The following PCDH11X variants were observed in gnomAD, a reference collection of about 807,000 sequenced individuals.
PCDH11X encodes protocadherin 11 X-linked.
Under a neutral mutation model 53.3 loss-of-function variants are expected in PCDH11X, and 18 were observed. That is an observed-to-expected ratio of 0.34 (90% confidence interval 0.23 to 0.50). The LOEUF (loss-of-function observed/expected upper bound fraction) is 0.50, where lower values mean the gene tolerates loss of function less well. PCDH11X is among the 20% of genes least tolerant of loss of function. The pLI is 0.98. For missense variants in PCDH11X, 570 were observed against 1,032.4 expected, an observed-to-expected ratio of 0.55 and a Z score of 6.14; for synonymous variants, 279 against 393.3, an observed-to-expected ratio of 0.71 and a Z score of 3.44.
intron 6 of PCDH11X, among the ~76,000 whole-genome samples, chrX:91,934,152 A>G (rs760917691): frequency 8.5e-4 from 94 of 111,054 alleles, no homozygotes; most frequent in African/African-American, 3.0e-3. Context: ...TCCTTTAAAA[A>G]TGGGCTTTGT....
At chrX:91,850,321 G>A (rs1937934695) in intron 5 of PCDH11X, among the ~76,000 whole-genome samples, 1 of 109,554 alleles carries the variant, frequency 9.1e-6, no homozygotes, top group African/African-American at 3.3e-5. Context: ...GTTTATTTTG[G>A]CATTGCTACA....
chrX:92,461,954 A>C (rs1313894598), intron 9 of PCDH11X, among the ~76,000 whole-genome samples: 2 of 112,304 alleles, frequency 1.8e-5, no homozygotes, highest in Non-Finnish European at 3.8e-5. Context: ...TGTTTAAGTA[A>C]AAGTTGTTTC....
chrX:91,997,934 G>A (rs946342161), intron 6 of PCDH11X, among the ~76,000 whole-genome samples: 65 of 105,424 alleles, frequency 6.2e-4, no homozygotes, highest in African/African-American at 1.7e-3. Flanking sequence ...TTCTTTTCTC[G>A]TTTCTTTTTT....
chrX:92,025,042 T>TA (rs749079195), intron 6 of PCDH11X, among the ~76,000 whole-genome samples: 1 of 111,429 alleles, frequency 9.0e-6, no homozygotes, highest in East Asian at 2.8e-4. Flanking sequence ...TCTTAGGCAA[T>TA]ACCATTCAGG....
chrX:92,545,765 G>A (rs78122170), intron 10 of PCDH11X, among the ~76,000 whole-genome samples: 21,335 of 109,819 alleles, frequency 0.19, 2,193 homozygotes, highest in Non-Finnish European at 0.29. Context: ...GTTTTTATGA[G>A]TACACATTTA....
At chrX:92,579,399 G>C (rs1356796237) in intron 10 of PCDH11X, among the ~76,000 whole-genome samples, 1 of 107,353 alleles carries the variant, frequency 9.3e-6, no homozygotes. Flanking sequence ...TTTTAGGTTT[G>C]GTCTTTTTAC....
At chrX:92,355,396 C>T (rs1323016380) in intron 8 of PCDH11X, among the ~76,000 whole-genome samples, 4 of 40,850 alleles carry the variant, frequency 9.8e-5, no homozygotes, top group Non-Finnish European at 1.4e-4. Context: ...CCAGCCTGGG[C>T]GACAGGGCGA....
At chrX:91,977,125 A>T (rs2062057147) in intron 6 of PCDH11X, among the ~76,000 whole-genome samples, 1 of 112,006 alleles carries the variant, frequency 8.9e-6, no homozygotes, top group African/African-American at 3.2e-5. Flanking sequence ...GGTTGTAGAA[A>T]ATATATCTAT....
At chrX:92,080,917 G>T (rs1056505733) in intron 6 of PCDH11X, among the ~76,000 whole-genome samples, 20 of 111,083 alleles carry the variant, frequency 1.8e-4, no homozygotes, top group African/African-American at 6.5e-4. Context: ...CTCAGTCTCA[G>T]TTTCCTGTTC....
At chrX:92,331,319 CTCTTCT>C (rs1251404218) in intron 8 of PCDH11X, among the ~76,000 whole-genome samples, 1 of 28,834 alleles carries the variant, frequency 3.5e-5, no homozygotes, top group Non-Finnish European at 5.4e-5. Context: ...CTTCTTCTTC[CTCTTCT>C]TCTTCTTCCT....
rs202213747 is a variant in PCDH11X, at chrX:92,021,377, C to A, written c.3033+142104C>A. Among the ~76,000 whole-genome samples the A allele has an allele frequency of 5.4e-4, 56 of 104,031 alleles. 2 individuals are homozygous for A. The East Asian group carries it at 0.016, about 30-fold the overall frequency. The allele number at this position is 104,031 out of a possible 115,157, so 90.3% of individuals were successfully genotyped here. On this transcript the variant is annotated intron_variant, in intron 6 of 10. Transcript: ENST00000682573. ...GCACAAGAACTTCGTGAAGCATACA[C>A]AAGTATTGATAGCTGAATCAATGAA...
chrX:92,422,923 A>G (rs2072007787), intron 9 of PCDH11X, among the ~76,000 whole-genome samples: 2 of 108,585 alleles, frequency 1.8e-5, no homozygotes, highest in African/African-American at 6.6e-5. Context: ...ATATCGGCTC[A>G]CTGCAAACTC....
intron 7 of PCDH11X, among the ~76,000 whole-genome samples, chrX:92,218,243 T>A (rs1159616214): frequency 1.8e-5 from 2 of 109,841 alleles, no homozygotes; most frequent in Non-Finnish European, 3.8e-5. Context: ...CTTCAAAAAA[T>A]TAATGAATCC....
intron 6 of PCDH11X, among the ~76,000 whole-genome samples, chrX:91,992,791 T>C (rs1345578583): frequency 7.3e-5 from 8 of 110,215 alleles, no homozygotes; most frequent in Non-Finnish European, 1.5e-4. Context: ...TTATTTTTAT[T>C]ATTTCTATAT....
At chrX:92,207,786 C>G (rs1304587184) in intron 7 of PCDH11X, among the ~76,000 whole-genome samples, 7 of 111,432 alleles carry the variant, frequency 6.3e-5, no homozygotes, top group African/African-American at 2.3e-4. Flanking sequence ...AAAAACATAA[C>G]TGACTTCTGG....
In PCDH11X at chrX:91,981,474, G is replaced by T. The variant is rs762228258; in HGVS notation, c.3033+102201G>T. Among the ~76,000 whole-genome samples the T allele has an allele frequency of 4.5e-5, 5 of 110,663 alleles. No individual in the cohort carries two copies. The South Asian group carries it at 1.1e-3, about 25-fold the overall frequency. On this transcript the variant is annotated intron_variant, in intron 6 of 10. Transcript: ENST00000682573. ...AAAAAAAAATGTGGCTAGCTGATAA[G>T]TCCCCCACTGCTTGCTGTTGCAAAA...
Position 92,126,133 on chromosome X carries a change from A to T in PCDH11X, c.3034-75242A>T, listed in dbSNP as rs761921376. On this transcript the variant is annotated intron_variant, in intron 6 of 10. Coordinates refer to ENST00000682573, the MANE Select transcript of PCDH11X (RefSeq NM_032968.5). ...CAAGAATGAAACTCTGTCTCAAAAA[A>T]AAAATAAAATAAAATAAAATAAGAT... Among the ~76,000 whole-genome samples, 30 of 109,936 alleles carry T rather than the reference A, an allele frequency of 2.7e-4. 1 individual carries two copies. Among genetic ancestry groups the T allele is most frequent in the Middle Eastern group, 9.3e-3 (2 of 214 alleles).
chrX:92,198,861 A>G (rs964740468), intron 6 of PCDH11X, among the ~76,000 whole-genome samples: 2 of 111,598 alleles, frequency 1.8e-5, no homozygotes, highest in Non-Finnish European at 3.8e-5. Flanking sequence ...TTTGACAAAA[A>G]AAATTGGAAT....
chrX:92,309,704 A>G (rs2068907299), intron 8 of PCDH11X, among the ~76,000 whole-genome samples: 1 of 111,953 alleles, frequency 8.9e-6, no homozygotes, highest in South Asian at 3.7e-4. Flanking sequence ...AACAAAACAA[A>G]CTCAGACCTG....
Sources: allele counts gnomAD v4.1 joint callset (sites outside exome capture counted in the v4.1 genomes callset), GRCh38; gene constraint gnomAD v4.1.1; transcripts MANE v1.5; gene names NCBI Gene and HGNC (gene_info 2026-07-23, HGNC 2026-07-21).